Variants in KCTD21 observed in about 807,000 individuals in gnomAD.
KCTD21 encodes the protein potassium channel tetramerization domain containing 21.
Under a neutral mutation model 13.2 loss-of-function variants are expected in KCTD21, and 9 were observed. The ratio of observed to expected loss-of-function variants is 0.68; its 90% CI spans 0.41 to 1.19. The LOEUF is 1.19. Among genes scored for constraint, KCTD21 ranks in the 50% most tolerant of loss-of-function variants. The pLI, the probability that KCTD21 is intolerant of heterozygous loss-of-function variation, is 0.01. For synonymous variants in KCTD21, 142 were observed against 137.4 expected (o/e 1.03, Z -0.23); for missense variants, 303 against 336.5 (o/e 0.90, Z 0.78).
chr11:78,188,483 T>C, intron 1 of KCTD21, 90 bp downstream of exon 1: 1 of 985,040 alleles, frequency 1.0e-6, no homozygotes, highest in South Asian at 4.7e-5. Context: ...CTGGGATAGA[T>C]TAGTCTCATG....
rs1168862099 is a variant in KCTD21, at chr11:78,171,380, T to C, written c.*2392A>G. 2.0e-5 allele frequency: 3 copies of C among 152,652 alleles called. No individual in the cohort carries two copies. Among genetic ancestry groups the C allele is most frequent in the Non-Finnish European group, 4.4e-5 (3 of 68,058 alleles). The allele number at this position is 152,652 out of a possible 1,614,324, so 9.5% of individuals were successfully genotyped here. On this transcript the variant is annotated 3_prime_UTR_variant, in exon 2 of 2. Transcript: ENST00000340067. ...AGATGAAGAAATGGAGGTGGCTCAG[T>C]GAGGTGAGTGACTTGCATAAAGTCA...
Position 78,174,176 on chromosome 11 carries a change from C to G in KCTD21, c.379G>C (p.Val127Leu). 6.2e-7 allele frequency: 1 copy of G among 1,614,074 alleles called. No individual in the cohort carries two copies. The highest frequency in any genetic ancestry group is 2.2e-5 in the East Asian group (1 of 44,882). ...NQRVQTVHFT[V>L]REAPQIYSLS... ...CTGTAGATCTGGGGTGCCTCGCGCA[C>G]AGTGAAGTGGACCGTCTGCACACGC... Residue 127 changes from valine to leucine, a missense_variant, in exon 2 of 2, where the codon GTG (valine) becomes CTG (leucine). By Grantham distance (32) the Val-to-Leu change is conservative. Coordinates refer to ENST00000340067, the MANE Select transcript of KCTD21 (RefSeq NM_001029859.3).
At chr11:78,186,632 T>C (rs1862783542) in intron 1 of KCTD21, 1 of 913,952 alleles carries the variant, frequency 1.1e-6, no homozygotes, top group East Asian at 1.2e-4. Flanking sequence ...TCTATACATG[T>C]TAATCTCTTT....
rs575323240 is a variant in KCTD21, at chr11:78,172,190, C to G, written c.*1582G>C. On this transcript the variant is annotated 3_prime_UTR_variant, in exon 2 of 2. Coordinates refer to ENST00000340067, the MANE Select transcript of KCTD21 (RefSeq NM_001029859.3). ...CAGTTTGGAGGCCTGCATGGCTCAT[C>G]ACCCGGTGGGAAGCAGTGCTTGGGT... The G allele has an allele frequency of 6.6e-6, 1 of 152,368 alleles. No homozygotes were observed. The highest frequency in any genetic ancestry group is 2.1e-4 in the South Asian group (1 of 4,838). 9.4% of individuals were successfully genotyped at this position (152,368 alleles called of 1,614,324 possible). A position where few individuals can be genotyped will look rare whatever the true frequency, so the allele number is the denominator to read the frequency against.
At position 78,173,387 on chromosome 11, in the gene KCTD21, T is replaced by C. The variant is rs112978408; in HGVS notation, c.*385A>G. On this transcript the variant is annotated 3_prime_UTR_variant, in exon 2 of 2. Transcript: ENST00000340067. ...GAGGTAGCCTCTTGTTCTCATCCCA[T>C]CCTCTCCACCAGGGCCTTCTTACAG... 9,697 of 182,068 alleles carry C rather than the reference T, an allele frequency of 0.053. 966 individuals are homozygous for C. The highest frequency in any genetic ancestry group is 0.22 in the African/African-American group (9,089 of 42,070). The allele number at this position is 182,068 out of a possible 1,614,324, so 11.3% of individuals were successfully genotyped here.
chr11:78,176,472 A>G (rs1424925981), intron 1 of KCTD21, among the ~76,000 whole-genome samples: 1 of 152,114 alleles, frequency 6.6e-6, no homozygotes, highest in Non-Finnish European at 1.5e-5. Flanking sequence ...TCTAGAAAAC[A>G]GGAGATCTCA....
chr11:78,187,668 C>T, intron 1 of KCTD21: 1 of 985,434 alleles, frequency 1.0e-6, no homozygotes, highest in Non-Finnish European at 1.2e-6. Flanking sequence ...AATTTATAAA[C>T]ACCGTGCTTT....
intron 1 of KCTD21, 106 bp downstream of exon 1, chr11:78,188,467 G>C (rs1176950035): frequency 1.0e-6 from 1 of 985,322 alleles, no homozygotes; most frequent in African/African-American, 1.7e-5. Context: ...GATGGGAATG[G>C]CGAGGCTGGG....
chr11:78,184,144 C>T (rs1194985495), intron 1 of KCTD21, among the ~76,000 whole-genome samples: 2 of 152,152 alleles, frequency 1.3e-5, no homozygotes, highest in African/African-American at 4.8e-5. Context: ...GAAAAATTTA[C>T]CTTTACGATA....
rs145808691 is a variant in KCTD21, at chr11:78,174,404, G to A, written c.151C>T (p.Arg51Cys). The A allele has an allele frequency of 5.9e-5, 95 of 1,613,934 alleles. No individual in the cohort carries two copies. Among genetic ancestry groups the A allele is most frequent in the Non-Finnish European group, 6.7e-5 (79 of 1,180,024 alleles). Residue 51 changes from arginine to cysteine, a missense_variant, in exon 2 of 2, where the codon CGT becomes TGT. Physicochemically the swap from Arg to Cys is radical, Grantham distance 180. Coordinates refer to ENST00000340067, the MANE Select transcript of KCTD21 (RefSeq NM_001029859.3). ...RDSQGNCFID[R>C]DGKVFRYILN... Reference sequence around the variant, plus strand: ...ATATAGCGGAACACTTTGCCGTCACGGTCAATGAAGCAGTTGCCCTGGCTG... The same window carrying A: ...ATATAGCGGAACACTTTGCCGTCACAGTCAATGAAGCAGTTGCCCTGGCTG...
intron 1 of KCTD21, chr11:78,176,278 C>T (rs1424665945): frequency 2.0e-5 from 3 of 152,232 alleles, no homozygotes; most frequent in Non-Finnish European, 4.4e-5. Flanking sequence ...GCTCTTGGCT[C>T]CTGGTGGCCT....
chr11:78,173,581 A>G lies in KCTD21; in HGVS notation c.*191T>C, dbSNP rs1328989545. 1.7e-6 allele frequency: 1 copy of G among 594,642 alleles called. No homozygotes were observed. Among genetic ancestry groups the G allele is most frequent in the Admixed American group, 3.1e-5 (1 of 32,408 alleles). The allele number at this position is 594,642 out of a possible 1,614,324, so 36.8% of individuals were successfully genotyped here. A position where few individuals can be genotyped will look rare whatever the true frequency, so the allele number is the denominator to read the frequency against. ...TGTCTGCAGCTCAAAATGGCAAGAA[A>G]AAAGGTGGTTCTGTTCAGAGGACAC... On this transcript the variant is annotated 3_prime_UTR_variant, in exon 2 of 2. Transcript: ENST00000340067.
chr11:78,171,576 G>T lies in KCTD21; in HGVS notation c.*2196C>A, dbSNP rs182548361. 66 of 152,576 alleles carry T rather than the reference G, an allele frequency of 4.3e-4. No homozygotes were observed. Among genetic ancestry groups the T allele is most frequent in the African/African-American group, 1.6e-3 (66 of 41,572 alleles). The allele number at this position is 152,576 out of a possible 1,614,324, so 9.5% of individuals were successfully genotyped here. A position where few individuals can be genotyped will look rare whatever the true frequency, so the allele number is the denominator to read the frequency against. ...TTATGACCACAGCTTCTGCTACTTG[G>T]TCTAAACTAGGTTCTCCATGAGGGG... On this transcript the variant is annotated 3_prime_UTR_variant, in exon 2 of 2. Coordinates refer to ENST00000340067, the MANE Select transcript of KCTD21 (RefSeq NM_001029859.3).
chr11:78,178,287 G>A (rs116752616), intron 1 of KCTD21, among the ~76,000 whole-genome samples: 3,322 of 152,064 alleles, frequency 0.022, 121 homozygotes, highest in African/African-American at 0.067. Context: ...CACCAGGCCC[G>A]GCTAATTTAT....
Position 78,185,402 on chromosome 11 carries a change from G to A in KCTD21, c.-30+3171C>T, listed in dbSNP as rs552784846. Among the ~76,000 whole-genome samples, 9 of 152,248 alleles carry A rather than the reference G, an allele frequency of 5.9e-5. No homozygotes were observed. In the South Asian group the frequency reaches 6.2e-4, roughly 11 times the overall value. On this transcript the variant is annotated intron_variant, in intron 1 of 1. Transcript: ENST00000340067. The stretch of plus-strand genomic sequence containing the variant: ...TCATTGTGCCAGACCCCAATAAGTC[G>A]CCAGATTTAGTAAGTTACAGATTTA...
At chr11:78,176,146 T>C (rs564808196) in intron 1 of KCTD21, 1 of 152,206 alleles carries the variant, frequency 6.6e-6, no homozygotes, top group Non-Finnish European at 1.5e-5. Flanking sequence ...TGTTGGACAT[T>C]TGGGTTGGTT....
rs1161750132 is a variant in KCTD21, at chr11:78,174,636, TCA to T, written c.-29-55_-29-54del. 3.1e-6 allele frequency: 4 copies of T among 1,277,664 alleles called. No individual in the cohort carries two copies. In the Admixed American group the frequency reaches 7.8e-5, roughly 25 times the overall value. 79.1% of individuals were successfully genotyped at this position (1,277,664 alleles called of 1,614,324 possible). ...CTATAACCAAACCTTATCAGAGAACTCACAGTCCTTAACTCCTTATTGTACAT... is the reference window on the plus strand; with the variant it reads ...CTATAACCAAACCTTATCAGAGAACTCAGTCCTTAACTCCTTATTGTACAT... On this transcript the variant is annotated intron_variant, in intron 1 of 1. Coordinates refer to ENST00000340067, the MANE Select transcript of KCTD21 (RefSeq NM_001029859.3).
intron 1 of KCTD21, chr11:78,177,949 T>G (rs1756871720): frequency 6.6e-6 from 1 of 152,174 alleles, no homozygotes; most frequent in South Asian, 2.1e-4. Context: ...CCTGCTTTCC[T>G]GCGCCCCCGA....
Position 78,172,527 on chromosome 11 carries a change from C to A in KCTD21, c.*1245G>T, listed in dbSNP as rs1862307867. On this transcript the variant is annotated 3_prime_UTR_variant, in exon 2 of 2. Coordinates refer to ENST00000340067, the MANE Select transcript of KCTD21 (RefSeq NM_001029859.3). ...GAGGTGAAGCTACAACAAAAGGGGA[C>A]TGACTTACAGGGGATAGAAAAGAGC... 6.6e-6 allele frequency: 1 copy of A among 152,110 alleles called. No homozygotes were observed. Among genetic ancestry groups the A allele is most frequent in the Non-Finnish European group, 1.5e-5 (1 of 68,040 alleles). The allele number at this position is 152,110 out of a possible 1,614,324, so 9.4% of individuals were successfully genotyped here. A position where few individuals can be genotyped will look rare whatever the true frequency, so the allele number is the denominator to read the frequency against.
Sources: allele counts gnomAD v4.1 joint callset (sites outside exome capture counted in the v4.1 genomes callset), GRCh38; gene constraint gnomAD v4.1.1; transcripts MANE v1.5; gene names NCBI Gene and HGNC (gene_info 2026-07-23, HGNC 2026-07-21).